MACROD2: variants seen among roughly 807,000 people sequenced by gnomAD.
The protein encoded by MACROD2 is mono-ADP ribosylhydrolase 2, also known as ADP-ribose glycohydrolase MACROD2.
MACROD2 carries 36 observed loss-of-function variants against 70.4 expected under a neutral mutation model. The ratio of observed to expected loss-of-function variants is 0.51; its 90% CI spans 0.39 to 0.68. The LOEUF (loss-of-function observed/expected upper bound fraction) is 0.68. Ranked by LOEUF, MACROD2 falls within the 30% of genes least tolerant of loss-of-function variation. The pLI is 0.00. For synonymous variants in MACROD2, 172 were observed against 178.8 expected, an observed-to-expected ratio of 0.96 and a Z score of 0.30; for missense variants, 496 against 538.4, an observed-to-expected ratio of 0.92 and a Z score of 0.78.
At chr20:15,764,855 A>G (rs1055773359) in intron 8 of MACROD2, among the ~76,000 whole-genome samples, 2 of 152,162 alleles carry the variant, frequency 1.3e-5, no homozygotes, top group African/African-American at 4.8e-5. Context: ...ATCTCAGCCT[A>G]CGATGACCTT....
intron 2 of MACROD2, among the ~76,000 whole-genome samples, chr20:14,045,034 G>A (rs1468987649): frequency 6.6e-6 from 1 of 152,260 alleles, no homozygotes; most frequent in African/African-American, 2.4e-5. Context: ...CAGGTGCTAA[G>A]CCCTTCACTG....
chr20:14,068,220 GC>G (rs1253657547), intron 2 of MACROD2, among the ~76,000 whole-genome samples: 2 of 152,030 alleles, frequency 1.3e-5, no homozygotes, highest in Non-Finnish European at 2.9e-5. Flanking sequence ...CTTTCATGAA[GC>G]TTCCTTGGAT....
At chr20:14,532,300 C>G (rs111613457) in intron 4 of MACROD2, among the ~76,000 whole-genome samples, 5,940 of 150,038 alleles carry the variant, frequency 0.04, 386 homozygotes, top group African/African-American at 0.14. Flanking sequence ...CTCACTGCAA[C>G]CTCCGCCTCC....
At chr20:14,537,164 T>C (rs1490931818) in intron 4 of MACROD2, among the ~76,000 whole-genome samples, 1 of 152,210 alleles carries the variant, frequency 6.6e-6, no homozygotes, top group Non-Finnish European at 1.5e-5. Flanking sequence ...AAAGCTCATA[T>C]GAGATCTATG....
intron 4 of MACROD2, among the ~76,000 whole-genome samples, chr20:14,509,848 T>G (rs1031049788): frequency 6.6e-6 from 1 of 152,030 alleles, no homozygotes; most frequent in Admixed American, 6.5e-5. Context: ...TAGATTTTTC[T>G]TCAGAACTTC....
At chr20:14,755,540 A>G (rs2071929328) in intron 5 of MACROD2, among the ~76,000 whole-genome samples, 1 of 152,096 alleles carries the variant, frequency 6.6e-6, no homozygotes, top group Non-Finnish European at 1.5e-5. Context: ...AAATTCATTG[A>G]CTATATAGCC....
chr20:15,710,849 C>G (rs554988930), intron 8 of MACROD2, among the ~76,000 whole-genome samples: 4 of 152,270 alleles, frequency 2.6e-5, no homozygotes, highest in Non-Finnish European at 4.4e-5. Context: ...CCAGAGGCCT[C>G]AAGGACAATG....
chr20:15,068,102 A>G (rs772109117), intron 5 of MACROD2, among the ~76,000 whole-genome samples: 2 of 152,252 alleles, frequency 1.3e-5, no homozygotes, highest in East Asian at 3.9e-4. Flanking sequence ...TTTGAGATAC[A>G]CTGGATGGAT....
chr20:15,814,336 C>G (rs1027928715), intron 8 of MACROD2, among the ~76,000 whole-genome samples: 18 of 152,180 alleles, frequency 1.2e-4, no homozygotes, highest in African/African-American at 4.3e-4. Context: ...ATTAACATCC[C>G]TTAAAACCTT....
intron 13 of MACROD2, among the ~76,000 whole-genome samples, chr20:15,968,306 T>G (rs1318346214): frequency 6.6e-6 from 1 of 152,156 alleles, no homozygotes; most frequent in Non-Finnish European, 1.5e-5. Context: ...AGTCACAGTT[T>G]CCAGAGCTCA....
chr20:15,527,619 A>G (rs530814888), intron 8 of MACROD2, among the ~76,000 whole-genome samples: 24 of 152,310 alleles, frequency 1.6e-4, no homozygotes, highest in South Asian at 1.0e-3. Context: ...GAGACTGCCC[A>G]TAGGCCATCT....
chr20:15,463,517 A>C (rs923686102), intron 7 of MACROD2, among the ~76,000 whole-genome samples: 2 of 152,200 alleles, frequency 1.3e-5, no homozygotes, highest in African/African-American at 4.8e-5. Context: ...TGGGAGGCCA[A>C]GGTGGGTGGA....
chr20:14,534,298 C>A (rs1009024534), intron 4 of MACROD2, among the ~76,000 whole-genome samples: 20 of 152,064 alleles, frequency 1.3e-4, no homozygotes, highest in African/African-American at 4.8e-4. Flanking sequence ...GGTCACTTTT[C>A]TGGGTCTTGT....
intron 8 of MACROD2, among the ~76,000 whole-genome samples, chr20:15,557,354 C>A (rs1329860902): frequency 1.3e-5 from 2 of 152,144 alleles, no homozygotes; most frequent in Non-Finnish European, 2.9e-5. Context: ...TTTTACAGTT[C>A]CTGATTCTAT....
At chr20:14,812,600 T>C (rs2072728737) in intron 5 of MACROD2, among the ~76,000 whole-genome samples, 1 of 151,948 alleles carries the variant, frequency 6.6e-6, no homozygotes, top group African/African-American at 2.4e-5. Flanking sequence ...ATTACAGTGA[T>C]TCACTAATAA....
intron 5 of MACROD2, among the ~76,000 whole-genome samples, chr20:15,204,247 C>T (rs2076681977): frequency 6.6e-6 from 1 of 152,122 alleles, no homozygotes; most frequent in South Asian, 2.1e-4. Flanking sequence ...AAATTTTCCA[C>T]ACGCTAATTA....
chr20:15,885,908 TAATAA>T lies in MACROD2; in HGVS notation c.775+102_775+106del, dbSNP rs1183713604. 7 of 1,274,716 alleles carry T rather than the reference TAATAA, an allele frequency of 5.5e-6. No individual in the cohort carries two copies. The East Asian group carries it at 1.6e-4, about 28-fold the overall frequency. 79.0% of individuals were successfully genotyped at this position (1,274,716 alleles called of 1,614,324 possible). On this transcript the variant is annotated intron_variant, in intron 10 of 17. Coordinates refer to ENST00000684519, the MANE Select transcript of MACROD2 (RefSeq NM_001351661.2). ...TTTTCAACGAAAGACAAAATAAGAT[TAATAA>T]AATAGAAATATATGCTCAGTGTTAT...
In MACROD2 at chr20:15,068,884, T is replaced by C. The variant is rs1212063875; in HGVS notation, c.419-161056T>C. 4.6e-5 allele frequency among the ~76,000 whole-genome samples: 7 copies of C among 152,124 alleles called. No individual in the cohort carries two copies. The East Asian group carries it at 1.2e-3, about 25-fold the overall frequency. On this transcript the variant is annotated intron_variant, in intron 5 of 17. Transcript: ENST00000684519. ...GTGAAAGTGGCTTTGAAACTGGTAA[T>C]GGGCACAGGGTTGGAAGAGTTTGGA...
chr20:14,608,082 G>A (rs986771583), intron 4 of MACROD2, among the ~76,000 whole-genome samples: 3 of 151,842 alleles, frequency 2.0e-5, no homozygotes, highest in Admixed American at 1.3e-4. Flanking sequence ...GTGAAACCTC[G>A]TCTCTACTAA....
Sources: allele counts gnomAD v4.1 joint callset (sites outside exome capture counted in the v4.1 genomes callset), GRCh38; gene constraint gnomAD v4.1.1; transcripts MANE v1.5; gene names NCBI Gene and HGNC (gene_info 2026-07-23, HGNC 2026-07-21).